GRM5: variants seen among roughly 807,000 people sequenced by gnomAD.
GRM5 encodes glutamate metabotropic receptor 5.
In GRM5, 19 loss-of-function variants were observed where a neutral mutation model predicts 83.1. That is an observed-to-expected ratio of 0.23 (90% CI 0.16 to 0.34). The LOEUF is 0.34. GRM5 is among the 10% of genes least tolerant of loss of function. The probability of loss-of-function intolerance (pLI) is 1.00; values close to 1 mark genes in which losing one functional copy is unlikely to be tolerated. For synonymous variants in GRM5, 675 were observed against 633.6 expected, an observed-to-expected ratio of 1.07 and a Z score of -0.98; for missense variants, 1,160 against 1,588.3, an observed-to-expected ratio of 0.73 and a Z score of 4.58.
intron 2 of GRM5, among the ~76,000 whole-genome samples, chr11:89,023,528 A>AT (rs1941042687): frequency 1.3e-5 from 2 of 151,882 alleles, no homozygotes; most frequent in South Asian, 4.1e-4. Context: ...TTTCCTTAGT[A>AT]TTTTACCTTA....
At chr11:88,862,332 G>A (rs1177857152) in intron 2 of GRM5, among the ~76,000 whole-genome samples, 1 of 151,848 alleles carries the variant, frequency 6.6e-6, no homozygotes, top group African/African-American at 2.4e-5. Flanking sequence ...ACATTGTTTT[G>A]TTATATATAT....
At chr11:88,732,658 A>G (rs745683444) in intron 3 of GRM5, among the ~76,000 whole-genome samples, 4 of 152,092 alleles carry the variant, frequency 2.6e-5, no homozygotes, top group Non-Finnish European at 4.4e-5. Flanking sequence ...CTTAAAGTGA[A>G]AAATACTCAG....
intron 3 of GRM5, among the ~76,000 whole-genome samples, chr11:88,806,435 C>A (rs748427437): frequency 6.6e-6 from 1 of 152,098 alleles, no homozygotes; most frequent in Non-Finnish European, 1.5e-5. Flanking sequence ...TTTAATTATT[C>A]CATTAATCAT....
chr11:88,959,538 A>G (rs1938722059), intron 2 of GRM5, among the ~76,000 whole-genome samples: 2 of 152,292 alleles, frequency 1.3e-5, no homozygotes, highest in Admixed American at 1.3e-4. Flanking sequence ...TAAAGTAAAC[A>G]TAGTTCTACA....
At chr11:88,789,629 G>A (rs1206215804) in intron 3 of GRM5, among the ~76,000 whole-genome samples, 3 of 151,764 alleles carry the variant, frequency 2.0e-5, no homozygotes, top group East Asian at 1.9e-4. Flanking sequence ...ATTCCCTTGT[G>A]GTACCATATT....
At chr11:88,964,073 G>C (rs1005177221) in intron 2 of GRM5, among the ~76,000 whole-genome samples, 2 of 152,100 alleles carry the variant, frequency 1.3e-5, no homozygotes, top group African/African-American at 2.4e-5. Context: ...TTGTAATCTA[G>C]GTTGACTGAA....
At chr11:88,538,992 C>T (rs1942201957) in intron 8 of GRM5, among the ~76,000 whole-genome samples, 1 of 151,892 alleles carries the variant, frequency 6.6e-6, no homozygotes, top group South Asian at 2.1e-4. Flanking sequence ...CATTTTTTTT[C>T]CCCATAATCT....
intron 4 of GRM5, among the ~76,000 whole-genome samples, chr11:88,641,005 A>G (rs1302956444): frequency 6.6e-6 from 1 of 152,132 alleles, no homozygotes; most frequent in Non-Finnish European, 1.5e-5. Flanking sequence ...ATAAAGAAAT[A>G]CTTGAGACTG....
At chr11:88,847,779 C>T (rs1944324325) in intron 3 of GRM5, among the ~76,000 whole-genome samples, 1 of 151,990 alleles carries the variant, frequency 6.6e-6, no homozygotes, top group Non-Finnish European at 1.5e-5. Context: ...TTTAGTATTC[C>T]ATGAATTAAA....
At position 88,778,514 on chromosome 11, in the gene GRM5, G is replaced by A. The variant is rs117212254; in HGVS notation, c.911+71392C>T. Among the ~76,000 whole-genome samples the A allele has an allele frequency of 5.8e-3, 883 of 152,250 alleles. 18 individuals are homozygous for A. The East Asian group carries it at 0.071, about 12-fold the overall frequency. On this transcript the variant is annotated intron_variant, in intron 3 of 9. Transcript: ENST00000305447. ...ACCAGGCACTTCAGTTGGAAATGCA[G>A]AAATCACCCGTCTTCTGCATCGATC...
chr11:89,028,804 T>C (rs1243355659), intron 2 of GRM5, among the ~76,000 whole-genome samples: 2 of 152,212 alleles, frequency 1.3e-5, no homozygotes. Flanking sequence ...TTAATTATAC[T>C]TTAAGTTCTG....
intron 2 of GRM5, among the ~76,000 whole-genome samples, chr11:88,944,969 A>T (rs1388585254): frequency 6.6e-6 from 1 of 151,898 alleles, no homozygotes; most frequent in African/African-American, 2.4e-5. Flanking sequence ...AACCATAAAG[A>T]CTCCACCAAA....
chr11:88,509,251 C>T lies in GRM5; in HGVS notation c.2980G>A (p.Asp994Asn). 6.7e-7 allele frequency: 1 copy of T among 1,491,106 alleles called. No homozygotes were observed. 92.4% of individuals were successfully genotyped at this position (1,491,106 alleles called of 1,614,324 possible). A position where few individuals can be genotyped will look rare whatever the true frequency, so the allele number is the denominator to read the frequency against. ...TCATACAGCGCCTTGGGGCCGGCGT[C>T]TGGGGACTCGGGCCCGCCTGGGCCG... ...GAGPGGPESP[D>N]AGPKALYDVA... The change falls in exon 10 of 10, where the codon GAC becomes AAC. Residue 994 changes from aspartate (D) to asparagine (N), a missense_variant. Coordinates refer to ENST00000305447, the MANE Select transcript of GRM5 (RefSeq NM_001143831.3).
chr11:88,696,746 C>T (rs1178085172), intron 3 of GRM5, among the ~76,000 whole-genome samples: 1 of 152,152 alleles, frequency 6.6e-6, no homozygotes, highest in East Asian at 1.9e-4. Flanking sequence ...GATTAAATGA[C>T]ATGAAGTACG....
chr11:88,590,937 T>G (rs1937629014), intron 6 of GRM5, among the ~76,000 whole-genome samples: 3 of 152,148 alleles, frequency 2.0e-5, no homozygotes, highest in African/African-American at 7.2e-5. Flanking sequence ...AAAGTTAGCT[T>G]GTGGCAGGAT....
chr11:89,029,691 C>T (rs920814810), intron 2 of GRM5, among the ~76,000 whole-genome samples: 10 of 152,228 alleles, frequency 6.6e-5, no homozygotes, highest in Non-Finnish European at 1.3e-4. Flanking sequence ...TTACAGGAGT[C>T]ATTGTGGTTG....
intron 3 of GRM5, among the ~76,000 whole-genome samples, chr11:88,695,656 G>A (rs1940885965): frequency 6.6e-6 from 1 of 152,082 alleles, no homozygotes; most frequent in South Asian, 2.1e-4. Flanking sequence ...CAAATACAAT[G>A]GTCCTGAAAG....
At chr11:88,662,404 T>C (rs1939931158) in intron 3 of GRM5, among the ~76,000 whole-genome samples, 1 of 152,136 alleles carries the variant, frequency 6.6e-6, no homozygotes, top group Non-Finnish European at 1.5e-5. Flanking sequence ...AGACATGTAT[T>C]GGAAAACAGG....
chr11:88,760,347 A>G (rs938660590), intron 3 of GRM5, among the ~76,000 whole-genome samples: 1 of 150,750 alleles, frequency 6.6e-6, no homozygotes, highest in African/African-American at 2.4e-5. Context: ...GAAGATCTAA[A>G]TAAATAAAAT....
Sources: gnomAD v4.1 joint callset for allele counts (sites outside exome capture counted in the v4.1 genomes callset) on GRCh38, gnomAD v4.1.1 for gene constraint, MANE v1.5 for transcripts, NCBI Gene and HGNC (gene_info 2026-07-23, HGNC 2026-07-21) for gene names.